The following TTLL6 variants were observed in gnomAD, a reference collection of about 807,000 sequenced individuals.
TTLL6 encodes the protein tubulin tyrosine ligase like 6, also known as tubulin polyglutamylase TTLL6.
Under a neutral mutation model 96.4 loss-of-function variants are expected in TTLL6, and 75 were observed. The observed-to-expected ratio is 0.78, with a 90% CI of 0.65 to 0.94. The LOEUF is 0.94. Ranked by LOEUF, TTLL6 falls within the 40% of genes least tolerant of loss-of-function variation. The pLI is 0.00. For synonymous variants in TTLL6, 411 were observed against 419.4 expected, an observed-to-expected ratio of 0.98 and a Z score of 0.24; for missense variants, 1,030 against 1,093.0, an observed-to-expected ratio of 0.94 and a Z score of 0.81.
chr17:48,778,071 G>T (rs998115908), intron 13 of TTLL6, among the ~76,000 whole-genome samples: 3 of 152,060 alleles, frequency 2.0e-5, no homozygotes, highest in Non-Finnish European at 4.4e-5. Flanking sequence ...GAGGTCAGGG[G>T]TTCAAGACCA....
rs2039468607 is a variant in TTLL6 at position 48,804,169 on chromosome 17, C to A, written c.324-241G>T. On this transcript the variant is annotated intron_variant, in intron 2 of 15. Transcript: ENST00000393382. ...AGGTAGAAATTCTGTATTGCAATTA[C>A]AGCTGATCTTGCTTGCAGCTTCTCA... The A allele has an allele frequency of 5.1e-6, 3 of 593,356 alleles. No homozygotes were observed. The South Asian group carries it at 5.6e-5, about 11-fold the overall frequency. The allele number at this position is 593,356 out of a possible 1,614,324, so 36.8% of individuals were successfully genotyped here. A position where few individuals can be genotyped will look rare whatever the true frequency, so the allele number is the denominator to read the frequency against.
chr17:48,786,042 C>A (rs2143323711), intron 12 of TTLL6, 122 bp downstream of exon 12: 4 of 1,452,564 alleles, frequency 2.8e-6, no homozygotes, highest in Non-Finnish European at 3.7e-6. Context: ...CGTTGCCCAG[C>A]CCTCTGCACA....
chr17:48,788,039 T>C (rs2039141826), intron 10 of TTLL6, 40 bp from the exon 11 acceptor site: 2 of 1,596,502 alleles, frequency 1.3e-6, no homozygotes, highest in Non-Finnish European at 1.7e-6. Flanking sequence ...TCAGGTTTTC[T>C]TGGGACAAAG....
intron 8 of TTLL6, chr17:48,794,265 G>A (rs780778464): frequency 2.5e-6 from 4 of 1,613,904 alleles, no homozygotes; most frequent in East Asian, 2.2e-5. Context: ...CCTGCTGTTG[G>A]GGTGCCAATT....
In TTLL6 at chr17:48,774,103, A is replaced by C. The variant is rs539354603; in HGVS notation, c.2041-4006T>G. Among the ~76,000 whole-genome samples the C allele has an allele frequency of 8.0e-4, 108 of 134,768 alleles. 4 individuals carry two copies. Among genetic ancestry groups the C allele is most frequent in the Non-Finnish European group, 1.3e-3 (84 of 63,416 alleles). The allele number at this position is 134,768 out of a possible 152,430, so 88.4% of individuals were successfully genotyped here. ...ATCTCAAAAAAAACAAAACAAAAAA[A>C]AAAAAAAAACAAGAAAAGTAAAATA... is the stretch of plus-strand genomic sequence containing the variant. On this transcript the variant is annotated intron_variant, in intron 13 of 15. Transcript: ENST00000393382.
At chr17:48,797,292 T>C in intron 6 of TTLL6, 88 bp from the exon 7 acceptor site, 1 of 1,391,464 alleles carries the variant, frequency 7.2e-7, no homozygotes, top group East Asian at 2.5e-5. Context: ...TCCATGGAGT[T>C]GGCTCCAACA....
rs112337907 is a variant in TTLL6 at position 48,794,280 on chromosome 17, T to C, written c.998+1781A>G. The C allele has an allele frequency of 3.6e-4, 576 of 1,613,730 alleles. 1 individual carries two copies. The highest frequency in any genetic ancestry group is 4.8e-4 in the African/African-American group (36 of 74,954). On this transcript the variant is annotated intron_variant, in intron 8 of 15. Transcript: ENST00000393382. ...CCTGCTGTTGGGGTGCCAATTCTCATTGGAGGAGGAAAATGAGAACCTTTC... is the reference window on the plus strand; with the variant it reads ...CCTGCTGTTGGGGTGCCAATTCTCACTGGAGGAGGAAAATGAGAACCTTTC...
chr17:48,797,060 C>G lies in TTLL6; in HGVS notation c.912+1G>C, dbSNP rs1346904903. On this transcript the variant is annotated splice_donor_variant, in intron 7 of 15. Transcript: ENST00000393382. LOFTEE classifies it high-confidence loss of function. The stretch of plus-strand genomic sequence containing the variant: ...TGAGGTAGTGTGTCTCCTTAGCTCA[C>G]CAGGTTGTCTGTGCAAGGGCGGGAG... 2 of 1,550,648 alleles carry G rather than the reference C, an allele frequency of 1.3e-6. No individual in the cohort carries two copies. The highest frequency in any genetic ancestry group is 2.4e-5 in the South Asian group (2 of 83,998).
intron 13 of TTLL6, among the ~76,000 whole-genome samples, chr17:48,776,164 T>A (rs933482213): frequency 6.6e-6 from 1 of 152,116 alleles, no homozygotes; most frequent in Non-Finnish European, 1.5e-5. Context: ...CTTACTAGAA[T>A]TCATAAGAAA....
Position 48,801,304 on chromosome 17 carries a change from A to G in TTLL6, c.562T>C (p.Phe188Leu). 6.4e-7 allele frequency: 1 copy of G among 1,551,676 alleles called. No homozygotes were observed. The highest frequency in any genetic ancestry group is 1.4e-5 in the African/African-American group (1 of 73,150). ...ARNMSRMLKM[F>L]PKDFRFFPRT... ...GGGAAAAAGCGGAAATCTTTAGGGA[A>G]CATCTTTAACATGCGGCTCATGTTC... Residue 188 changes from phenylalanine (F) to leucine (L), a missense_variant, in exon 5 of 16, where the codon TTC becomes CTC. Transcript: ENST00000393382.
chr17:48,800,193 C>T (rs1028142982), intron 5 of TTLL6: 3 of 157,734 alleles, frequency 1.9e-5, no homozygotes, highest in African/African-American at 7.2e-5. Flanking sequence ...GAGTTCTGGA[C>T]CTGGCTCAAG....
intron 14 of TTLL6, 38 bp from the exon 15 acceptor site, chr17:48,769,292 T>C (rs1444724808): frequency 1.9e-6 from 3 of 1,552,634 alleles, no homozygotes; most frequent in Non-Finnish European, 2.6e-6. Flanking sequence ...CGATTTGTGC[T>C]GCTGGATTCA....
At chr17:48,775,520 C>CTATTATTATTATTAT (rs369248868) in intron 13 of TTLL6, among the ~76,000 whole-genome samples, 144 of 143,258 alleles carry the variant, frequency 1.0e-3, no homozygotes, top group African/African-American at 1.7e-3. Context: ...CAACATCCAT[C>CTATTATTATTATTAT]TATTATTATT....
At chr17:48,794,138 T>C in intron 8 of TTLL6, 5 of 1,606,344 alleles carry the variant, frequency 3.1e-6, no homozygotes, top group Non-Finnish European at 4.3e-6. Context: ...GAGAGGGAGA[T>C]GAACAGAGGA....
rs2039416046 is a variant in TTLL6, at chr17:48,801,611, C to T, written c.394G>A (p.Glu132Lys). The T allele has an allele frequency of 4.5e-6, 7 of 1,551,730 alleles. No homozygotes were observed. The highest frequency in any genetic ancestry group is 6.1e-6 in the Non-Finnish European group (7 of 1,147,016). Residue 132 changes from glutamate to lysine, a missense_variant, in exon 4 of 16, where the codon GAG (glutamate) becomes AAG (lysine). Coordinates refer to ENST00000393382, the MANE Select transcript of TTLL6 (RefSeq NM_001130918.3). ...GTCCAGTCATCGTCTTCCCCTCCCT[C>T]TCTAAAGCCGTACTGTTGGGCAGCC... is the stretch of plus-strand genomic sequence containing the variant. Reference protein sequence around the residue: ...RRAAQQYGFREGGEDDDWTLY... With the variant: ...RRAAQQYGFRKGGEDDDWTLY...
chr17:48,799,718 C>T lies in TTLL6; in HGVS notation c.654G>A (p.Lys218=). The part of the protein sequence containing the change: ...LQTYSRSRKN[K]TYICKPDSGC... Reference sequence around the variant, plus strand: ...CCGAATCCGGCTTACAAATGTATGTCTTATTTTTTCTTGACCTGCTGTAGG... The same window carrying T: ...CCGAATCCGGCTTACAAATGTATGTTTTATTTTTTCTTGACCTGCTGTAGG... Residue 218 remains lysine (K), a synonymous_variant, in exon 6 of 16, where the codon AAG becomes AAA. Coordinates refer to ENST00000393382, the MANE Select transcript of TTLL6 (RefSeq NM_001130918.3). 6.4e-7 allele frequency: 1 copy of T among 1,551,728 alleles called. No individual in the cohort carries two copies.
chr17:48,811,719 A>G (rs2039594804), intron 1 of TTLL6, among the ~76,000 whole-genome samples: 1 of 131,026 alleles, frequency 7.6e-6, no homozygotes, highest in Non-Finnish European at 1.6e-5. Flanking sequence ...TTTTTTTGAG[A>G]CAGAGTCTTG....
intron 10 of TTLL6, among the ~76,000 whole-genome samples, chr17:48,789,276 G>T (rs577064590): frequency 6.6e-6 from 1 of 152,184 alleles, no homozygotes; most frequent in Admixed American, 6.5e-5. Context: ...TATTCAAACT[G>T]CTACATTCTG....
chr17:48,788,981 G>T (rs1380449768), intron 10 of TTLL6, among the ~76,000 whole-genome samples: 1 of 152,120 alleles, frequency 6.6e-6, no homozygotes, highest in Non-Finnish European at 1.5e-5. Context: ...TAGGCTCAGA[G>T]TCTCCAGACA....
Sources: gnomAD v4.1 joint callset for allele counts (sites outside exome capture counted in the v4.1 genomes callset) on GRCh38, gnomAD v4.1.1 for gene constraint, MANE v1.5 for transcripts, NCBI Gene and HGNC (gene_info 2026-07-23, HGNC 2026-07-21) for gene names.